CERS6: variants seen among roughly 807,000 people sequenced by gnomAD.
CERS6 encodes the protein LAG1 homolog, ceramide synthase 6.
Under a neutral mutation model 56.8 loss-of-function variants are expected in CERS6, and 26 were observed. That is an observed-to-expected ratio of 0.46 (90% CI 0.34 to 0.63). The LOEUF is 0.63. Ranked by LOEUF, CERS6 falls within the 30% of genes least tolerant of loss-of-function variation. CERS6 has a pLI of 0.01. For missense variants in CERS6, 415 were observed against 467.5 expected, an observed-to-expected ratio of 0.89 and a Z score of 1.04; for synonymous variants, 164 against 173.3, an observed-to-expected ratio of 0.95 and a Z score of 0.42.
chr2:168,605,737 T>G (rs1684037678), intron 3 of CERS6, among the ~76,000 whole-genome samples: 1 of 152,172 alleles, frequency 6.6e-6, no homozygotes. Context: ...GCTTGAGATG[T>G]TGCTTCAGGG....
chr2:168,643,917 A>T (rs552538311), intron 4 of CERS6, among the ~76,000 whole-genome samples: 1 of 152,142 alleles, frequency 6.6e-6, no homozygotes, highest in Non-Finnish European at 1.5e-5. Context: ...TAAGATGTGG[A>T]TATCTTTGGG....
At chr2:168,734,214 C>T (rs964448120) in intron 8 of CERS6, among the ~76,000 whole-genome samples, 2 of 151,804 alleles carry the variant, frequency 1.3e-5, no homozygotes, top group African/African-American at 4.8e-5. Context: ...AGATAGTGGA[C>T]GTAGACTACT....
chr2:168,657,506 A>G (rs1685512006), intron 4 of CERS6, among the ~76,000 whole-genome samples: 1 of 152,180 alleles, frequency 6.6e-6, no homozygotes, highest in Non-Finnish European at 1.5e-5. Context: ...CTCGTCGGGG[A>G]GGCTCGGGCC....
chr2:168,511,906 A>G (rs1247776935), intron 1 of CERS6, among the ~76,000 whole-genome samples: 1 of 151,946 alleles, frequency 6.6e-6, no homozygotes, highest in East Asian at 1.9e-4. Flanking sequence ...ATGAATGGGT[A>G]TACAAAATGT....
chr2:168,666,376 C>A (rs1685762541), intron 4 of CERS6, among the ~76,000 whole-genome samples: 1 of 152,096 alleles, frequency 6.6e-6, no homozygotes, highest in East Asian at 1.9e-4. Flanking sequence ...AAAGTTTTAC[C>A]TTTTTCAGAA....
At chr2:168,728,530 A>G (rs1683417982) in intron 8 of CERS6, among the ~76,000 whole-genome samples, 1 of 151,166 alleles carries the variant, frequency 6.6e-6, no homozygotes, top group African/African-American at 2.4e-5. Flanking sequence ...GCTGGGATTA[A>G]AAGCACCCAC....
intron 6 of CERS6, among the ~76,000 whole-genome samples, chr2:168,712,656 A>C (rs62174430): frequency 0.02 from 2,983 of 152,288 alleles, 45 homozygotes; most frequent in South Asian, 0.05. Context: ...AGATAAGAAG[A>C]AGCTACTAAT....
intron 1 of CERS6, among the ~76,000 whole-genome samples, chr2:168,519,020 CTTGAG>C (rs1694932745): frequency 1.3e-5 from 2 of 152,136 alleles, no homozygotes; most frequent in African/African-American, 2.4e-5. Context: ...CCCGGTCCCA[CTTGAG>C]TTGAGTCATA....
chr2:168,769,619 C>G lies in CERS6; in HGVS notation c.1112C>G (p.Thr371Ser). 6.2e-7 allele frequency: 1 copy of G among 1,612,218 alleles called. No individual in the cohort carries two copies. Among genetic ancestry groups the G allele is most frequent in the East Asian group, 2.2e-5 (1 of 44,802 alleles). The change falls in exon 10 of 10, where the codon ACC becomes AGC. Residue 371 changes from threonine (T) to serine (S), a missense_variant. Transcript: ENST00000305747. Reference protein sequence around the residue: ...TATTTNGTSGTNGYLLTGSCS... With the variant: ...TATTTNGTSGSNGYLLTGSCS... ...ACAACCACCAATGGGACCAGTGGTA[C>G]CAACGGGTATCTCCTGACTGGCTCC...
chr2:168,477,734 C>A (rs1005460685), intron 1 of CERS6, among the ~76,000 whole-genome samples: 1 of 152,094 alleles, frequency 6.6e-6, no homozygotes, highest in Admixed American at 6.5e-5. Flanking sequence ...GGGGATTGTA[C>A]GTGTTTATAT....
chr2:168,746,177 G>GGCCCATGGAGGCCCC (rs1684090936), intron 8 of CERS6, among the ~76,000 whole-genome samples: 1 of 152,092 alleles, frequency 6.6e-6, no homozygotes, highest in Non-Finnish European at 1.5e-5. Context: ...CTCTTGCATG[G>GGCCCATGGAGGCCCC]GCCCATGGAG....
intron 4 of CERS6, among the ~76,000 whole-genome samples, chr2:168,664,228 A>C (rs1480995857): frequency 6.6e-6 from 1 of 152,172 alleles, no homozygotes; most frequent in East Asian, 1.9e-4. Context: ...TGTTGTGGGG[A>C]AGGCCTTCTG....
At chr2:168,644,221 A>C in intron 4 of CERS6, 9 of 923,754 alleles carry the variant, frequency 9.7e-6, no homozygotes, top group Non-Finnish European at 1.2e-5. Flanking sequence ...GATTTCAGAT[A>C]GGGTGCTCAG....
chr2:168,485,342 CATT>C (rs10562849), intron 1 of CERS6, among the ~76,000 whole-genome samples: 11,722 of 151,978 alleles, frequency 0.077, 497 homozygotes, highest in East Asian at 0.18. Flanking sequence ...CAAATGGATA[CATT>C]ATTATTAACT....
chr2:168,582,904 G>T (rs76213495), intron 3 of CERS6: 2,871 of 154,438 alleles, frequency 0.019, 126 homozygotes, highest in East Asian at 0.18. Flanking sequence ...GGCCTTGATG[G>T]GCATGGCCTT....
At chr2:168,567,210 G>A (rs1203573219) in intron 3 of CERS6, among the ~76,000 whole-genome samples, 3 of 152,104 alleles carry the variant, frequency 2.0e-5, no homozygotes, top group Non-Finnish European at 4.4e-5. Context: ...CTGGTTTGGA[G>A]AACAACTTCT....
At chr2:168,729,800 C>T (rs1342172651) in intron 8 of CERS6, among the ~76,000 whole-genome samples, 1 of 152,174 alleles carries the variant, frequency 6.6e-6, no homozygotes. Context: ...ATCTTTGTGT[C>T]TTGTTTCCCA....
chr2:168,579,369 C>T (rs1327749205), intron 3 of CERS6, among the ~76,000 whole-genome samples: 1 of 151,990 alleles, frequency 6.6e-6, no homozygotes, highest in Non-Finnish European at 1.5e-5. Context: ...TTGGGGCTTT[C>T]AAATTAGAGA....
At position 168,725,168 on chromosome 2, in the gene CERS6, G is replaced by A. The variant is rs181391306; in HGVS notation, c.845+7190G>A. Among the ~76,000 whole-genome samples, 360 of 152,344 alleles carry A rather than the reference G, an allele frequency of 2.4e-3. 1 individual carries two copies. Among genetic ancestry groups the A allele is most frequent in the African/African-American group, 8.3e-3 (344 of 41,592 alleles). ...GCTAAGCCCCTCATTGCCCAGGGCC[G>A]GCAGGGCCGGCCGGCTGCTTCAAGT... On this transcript the variant is annotated intron_variant, in intron 8 of 9. Transcript: ENST00000305747.
Sources: allele counts gnomAD v4.1 joint callset (sites outside exome capture counted in the v4.1 genomes callset), GRCh38; gene constraint gnomAD v4.1.1; transcripts MANE v1.5; gene names NCBI Gene and HGNC (gene_info 2026-07-23, HGNC 2026-07-21).